QTMAN: variants seen among roughly 807,000 people sequenced by gnomAD.
QTMAN encodes the protein tRNA-queuosine alpha-mannosyltransferase.
the QTMAN span, among the ~76,000 whole-genome samples, chr2:144,257,592 C>T: frequency 3.9e-5 from 6 of 152,202 alleles, no homozygotes; most frequent in Non-Finnish European, 8.8e-5. Flanking sequence ...AGACATGTCC[C>T]TCAAAGAAAA....
the QTMAN span, among the ~76,000 whole-genome samples, chr2:144,266,543 C>T: frequency 4.8e-4 from 73 of 152,248 alleles, no homozygotes; most frequent in Admixed American, 4.3e-3. Context: ...TTGTACCAAT[C>T]GATAGTAGCT....
At chr2:143,967,458 G>A in the QTMAN span, among the ~76,000 whole-genome samples, 3 of 151,926 alleles carry the variant, frequency 2.0e-5, no homozygotes, top group Non-Finnish European at 4.4e-5. Flanking sequence ...AGCCTCCCAA[G>A]TTGCTGGGAT....
chr2:144,303,785 G>A, the QTMAN span, among the ~76,000 whole-genome samples: 1 of 152,094 alleles, frequency 6.6e-6, no homozygotes, highest in African/African-American at 2.4e-5. Context: ...TCAGACAGTA[G>A]ACAATAATGG....
chr2:144,023,073 G>C, the QTMAN span, among the ~76,000 whole-genome samples: 5 of 152,038 alleles, frequency 3.3e-5, no homozygotes, highest in African/African-American at 1.2e-4. Context: ...TGAAGTTCGT[G>C]AGAATCTAAT....
At chr2:144,098,224 A>G in the QTMAN span, among the ~76,000 whole-genome samples, 1 of 152,218 alleles carries the variant, frequency 6.6e-6, no homozygotes, top group African/African-American at 2.4e-5. Context: ...GGTCCAAGCT[A>G]GGTTTTCAAA....
chr2:144,150,402 A>G, the QTMAN span, among the ~76,000 whole-genome samples: 1 of 151,980 alleles, frequency 6.6e-6, no homozygotes, highest in African/African-American at 2.4e-5. Context: ...AAAATGTTCT[A>G]TATCTGTACT....
At chr2:144,114,346 A>G in the QTMAN span, among the ~76,000 whole-genome samples, 1 of 152,202 alleles carries the variant, frequency 6.6e-6, no homozygotes. Context: ...AATCTAATGC[A>G]GTGCTATCAG....
the QTMAN span, among the ~76,000 whole-genome samples, chr2:143,982,107 T>A: frequency 6.6e-6 from 1 of 152,204 alleles, no homozygotes; most frequent in Non-Finnish European, 1.5e-5. Flanking sequence ...TCACGTGCTA[T>A]AAATTAACTA....
chr2:144,254,150 A>G, the QTMAN span, among the ~76,000 whole-genome samples: 1 of 152,230 alleles, frequency 6.6e-6, no homozygotes, highest in African/African-American at 2.4e-5. Context: ...GGCCAGGTGC[A>G]GTGGCTCATG....
At chr2:144,251,292 C>T in the QTMAN span, among the ~76,000 whole-genome samples, 1 of 152,008 alleles carries the variant, frequency 6.6e-6, no homozygotes, top group Non-Finnish European at 1.5e-5. Context: ...AAATTAATTA[C>T]ACAGTAATCA....
chr2:144,085,498 G>C, the QTMAN span, among the ~76,000 whole-genome samples: 1 of 152,204 alleles, frequency 6.6e-6, no homozygotes, highest in Non-Finnish European at 1.5e-5. Flanking sequence ...GCTTAGCTTA[G>C]AGGGTAAGAA....
the QTMAN span, among the ~76,000 whole-genome samples, chr2:144,180,687 G>T: frequency 6.6e-6 from 1 of 152,142 alleles, no homozygotes. Context: ...CCAGGTGGCT[G>T]CTGCCTTTAA....
At chr2:144,176,508 G>A in the QTMAN span, among the ~76,000 whole-genome samples, 4 of 151,828 alleles carry the variant, frequency 2.6e-5, no homozygotes, top group African/African-American at 9.7e-5. Flanking sequence ...TTAGGCAAGT[G>A]AAAAAAACCA....
At chr2:144,145,627 C>T in the QTMAN span, 1 of 1,610,860 alleles carries the variant, frequency 6.2e-7, no homozygotes, top group South Asian at 1.1e-5. Context: ...CATTTCTTGA[C>T]AGGATATATC....
the QTMAN span, among the ~76,000 whole-genome samples, chr2:144,258,063 A>G: frequency 6.6e-6 from 1 of 152,082 alleles, no homozygotes; most frequent in South Asian, 2.1e-4. Flanking sequence ...AAAGCCACCA[A>G]TGAAGTGACA....
chr2:143,977,079 G>A, the QTMAN span, among the ~76,000 whole-genome samples: 3 of 152,090 alleles, frequency 2.0e-5, no homozygotes, highest in African/African-American at 7.2e-5. Flanking sequence ...AATACAATAC[G>A]CTCTCATTCT....
the QTMAN span, among the ~76,000 whole-genome samples, chr2:144,097,904 T>C: frequency 6.6e-6 from 1 of 152,230 alleles, no homozygotes; most frequent in African/African-American, 2.4e-5. Context: ...GAAGCTTATA[T>C]TTCAAGACTC....
At chr2:144,007,565 T>A in the QTMAN span, 2 of 1,427,290 alleles carry the variant, frequency 1.4e-6, no homozygotes, top group African/African-American at 2.9e-5. Context: ...CAATATACTT[T>A]TAGTGGAAAA....
At chr2:144,059,863 T>C in the QTMAN span, among the ~76,000 whole-genome samples, 97 of 152,124 alleles carry the variant, frequency 6.4e-4, 1 homozygote, top group Non-Finnish European at 2.8e-4. Context: ...CAAAATTTCA[T>C]CTCTCAGGGA....
Sources: gnomAD v4.1 joint callset for allele counts (sites outside exome capture counted in the v4.1 genomes callset) on GRCh38, gnomAD v4.1.1 for gene constraint, MANE v1.5 for transcripts, NCBI Gene and HGNC (gene_info 2026-07-23, HGNC 2026-07-21) for gene names.